TOX: variants seen among roughly 807,000 people sequenced by gnomAD.
TOX encodes the protein thymocyte selection-associated high mobility group box protein TOX.
A neutral mutation model predicts 53.7 loss-of-function variants in TOX; 11 were observed. That is an observed-to-expected ratio of 0.20 (90% CI 0.13 to 0.34). The LOEUF is 0.34. TOX is among the 10% of genes least tolerant of loss of function. The pLI is 1.00. For missense variants in TOX, 570 were observed against 664.6 expected (o/e 0.86, Z 1.56); for synonymous variants, 225 against 245.3 (o/e 0.92, Z 0.77).
intron 5 of TOX, 123 bp from the exon 6 acceptor site, chr8:58,827,025 T>C (rs553398785): frequency 2.4e-5 from 12 of 506,482 alleles, no homozygotes; most frequent in African/African-American, 6.0e-5. Flanking sequence ...TAATAATATA[T>C]ATCTCCCCAA....
intron 2 of TOX, among the ~76,000 whole-genome samples, chr8:58,958,121 A>C (rs1483414295): frequency 6.6e-6 from 1 of 152,192 alleles, no homozygotes; most frequent in African/African-American, 2.4e-5. Flanking sequence ...AGCCTGCCCT[A>C]TCTTTATAAA....
chr8:59,060,455 G>A lies in TOX; in HGVS notation c.102+58431C>T, dbSNP rs535355086. ...AGCCTGGCCAACACGGTGAAACCCC[G>A]TCTCTACTAAAAATACAAAACATTA... On this transcript the variant is annotated intron_variant, in intron 1 of 8. Coordinates refer to ENST00000361421, the MANE Select transcript of TOX (RefSeq NM_014729.3). 4.3e-4 allele frequency among the ~76,000 whole-genome samples: 65 copies of A among 152,208 alleles called. 1 individual carries two copies. Among genetic ancestry groups the A allele is most frequent in the Admixed American group, 4.1e-3 (62 of 15,278 alleles).
At chr8:58,858,175 A>G (rs1231708352) in intron 3 of TOX, among the ~76,000 whole-genome samples, 1 of 152,154 alleles carries the variant, frequency 6.6e-6, no homozygotes, top group Admixed American at 6.5e-5. Flanking sequence ...GGAATGGTGA[A>G]AAAAAAATCC....
chr8:58,859,225 A>G (rs1169194623), intron 3 of TOX, among the ~76,000 whole-genome samples: 1 of 152,210 alleles, frequency 6.6e-6, no homozygotes, highest in Non-Finnish European at 1.5e-5. Flanking sequence ...ATAATTAACA[A>G]TGAAAGAGGG....
chr8:58,964,613 C>T (rs959601635), intron 1 of TOX, among the ~76,000 whole-genome samples: 1 of 152,090 alleles, frequency 6.6e-6, no homozygotes, highest in African/African-American at 2.4e-5. Flanking sequence ...TAGAAGTGTG[C>T]TTGTAGAATG....
intron 6 of TOX, among the ~76,000 whole-genome samples, chr8:58,818,481 C>G (rs1362462305): frequency 6.6e-6 from 1 of 152,160 alleles, no homozygotes; most frequent in African/African-American, 2.4e-5. Context: ...CCTGTAGTCT[C>G]TTTTCACAAA....
At chr8:58,975,852 T>C (rs545295064) in intron 1 of TOX, among the ~76,000 whole-genome samples, 1 of 152,126 alleles carries the variant, frequency 6.6e-6, no homozygotes, top group East Asian at 1.9e-4. Context: ...GGCGGGTGGA[T>C]CACAAGGTCA....
Position 58,976,237 on chromosome 8 carries a change from A to G in TOX, c.103-16229T>C, listed in dbSNP as rs114886048. ...GCTGCTCTATCAACTAAGTTTACATAATATTCTAAATATTTTGTTGTTATT... is the reference window on the plus strand; with the variant it reads ...GCTGCTCTATCAACTAAGTTTACATGATATTCTAAATATTTTGTTGTTATT... On this transcript the variant is annotated intron_variant, in intron 1 of 8. Coordinates refer to ENST00000361421, the MANE Select transcript of TOX (RefSeq NM_014729.3). 4.7e-3 allele frequency among the ~76,000 whole-genome samples: 715 copies of G among 152,338 alleles called. 3 individuals carry two copies. The highest frequency in any genetic ancestry group is 0.017 in the African/African-American group (690 of 41,560).
At chr8:58,912,206 A>G (rs1159956385) in intron 3 of TOX, among the ~76,000 whole-genome samples, 2 of 152,224 alleles carry the variant, frequency 1.3e-5, no homozygotes, top group Non-Finnish European at 2.9e-5. Context: ...GAAATCAAAG[A>G]AGTACAATTT....
At chr8:59,064,950 G>A (rs1401322830) in intron 1 of TOX, among the ~76,000 whole-genome samples, 1 of 152,104 alleles carries the variant, frequency 6.6e-6, no homozygotes, top group African/African-American at 2.4e-5. Flanking sequence ...GCCCACTTGA[G>A]GGGGCTTTTT....
intron 1 of TOX, among the ~76,000 whole-genome samples, chr8:58,987,033 C>T (rs983486293): frequency 6.6e-6 from 1 of 152,180 alleles, no homozygotes; most frequent in Non-Finnish European, 1.5e-5. Context: ...AGCTTAGCAT[C>T]GGTATATTTG....
At chr8:58,836,178 G>A (rs1810542599) in intron 5 of TOX, among the ~76,000 whole-genome samples, 2 of 152,162 alleles carry the variant, frequency 1.3e-5, no homozygotes, top group African/African-American at 2.4e-5. Context: ...GAGGCATTAA[G>A]GTGACATTAA....
intron 1 of TOX, among the ~76,000 whole-genome samples, chr8:59,094,411 G>A (rs1377742496): frequency 1.3e-5 from 2 of 152,060 alleles, no homozygotes; most frequent in Non-Finnish European, 2.9e-5. Context: ...GCCAAGCCAG[G>A]CAGATTACCT....
chr8:59,037,573 G>C (rs944028651), intron 1 of TOX, among the ~76,000 whole-genome samples: 1 of 152,074 alleles, frequency 6.6e-6, no homozygotes, highest in African/African-American at 2.4e-5. Context: ...GGAAGCCAAA[G>C]TGGGCAGATC....
chr8:58,840,408 G>A (rs1442637089), intron 4 of TOX, among the ~76,000 whole-genome samples: 1 of 152,110 alleles, frequency 6.6e-6, no homozygotes, highest in Non-Finnish European at 1.5e-5. Flanking sequence ...CAGCATGTCT[G>A]GTGCTTGATA....
At chr8:58,939,647 G>T in intron 2 of TOX, 103 bp from the exon 3 acceptor site, 1 of 1,463,654 alleles carries the variant, frequency 6.8e-7, no homozygotes, top group Non-Finnish European at 9.1e-7. Flanking sequence ...AGCAGCATAT[G>T]GATTTGGCAA....
At chr8:58,994,928 T>C (rs968761681) in intron 1 of TOX, among the ~76,000 whole-genome samples, 1 of 152,204 alleles carries the variant, frequency 6.6e-6, no homozygotes, top group Non-Finnish European at 1.5e-5. Flanking sequence ...TCCTCTTCCA[T>C]ATCGTGATGC....
intron 1 of TOX, among the ~76,000 whole-genome samples, chr8:59,109,883 T>C (rs895839429): frequency 1.3e-5 from 2 of 152,156 alleles, no homozygotes; most frequent in East Asian, 3.9e-4. Flanking sequence ...TATTTAGCAT[T>C]ACAAGTTCAG....
chr8:59,111,603 TACCC>T, intron 1 of TOX, among the ~76,000 whole-genome samples: 1 of 152,088 alleles, frequency 6.6e-6, no homozygotes, highest in South Asian at 2.1e-4. Context: ...CACATGCACA[TACCC>T]ATACACACAC....
Sources: allele counts gnomAD v4.1 joint callset (sites outside exome capture counted in the v4.1 genomes callset), GRCh38; gene constraint gnomAD v4.1.1; transcripts MANE v1.5; gene names NCBI Gene and HGNC (gene_info 2026-07-23, HGNC 2026-07-21).